SCFD2: variants seen among roughly 807,000 people sequenced by gnomAD.
SCFD2 encodes the protein sec1 family domain-containing protein 2.
Under a neutral mutation model 58.9 loss-of-function variants are expected in SCFD2, and 54 were observed. The observed-to-expected ratio is 0.92, with a 90% CI of 0.74 to 1.15. The LOEUF (loss-of-function observed/expected upper bound fraction) is 1.15. Among genes scored for constraint, SCFD2 ranks in the 50% most tolerant of loss-of-function variants. The probability of loss-of-function intolerance (pLI) is 0.00; values close to 1 mark genes in which losing one functional copy is unlikely to be tolerated. For synonymous variants in SCFD2, 321 were observed against 335.9 expected, an observed-to-expected ratio of 0.96 and a Z score of 0.49; for missense variants, 805 against 836.6, an observed-to-expected ratio of 0.96 and a Z score of 0.47.
chr4:52,894,577 G>T (rs1355015578), intron 7 of SCFD2, among the ~76,000 whole-genome samples: 1 of 152,202 alleles, frequency 6.6e-6, no homozygotes, highest in African/African-American at 2.4e-5. Context: ...AGGAGCTCAA[G>T]GTATTCCATG....
intron 4 of SCFD2, among the ~76,000 whole-genome samples, chr4:53,178,620 T>G (rs995851581): frequency 9.8e-4 from 149 of 152,268 alleles, no homozygotes; most frequent in African/African-American, 3.5e-3. Flanking sequence ...ATGCAGCTCC[T>G]CACCAGCAAT....
chr4:53,291,983 A>AT (rs1396377568), intron 3 of SCFD2, among the ~76,000 whole-genome samples: 3 of 152,076 alleles, frequency 2.0e-5, no homozygotes, highest in Admixed American at 6.6e-5. Flanking sequence ...TTAATTCAAA[A>AT]TTTTTTTAAT....
intron 4 of SCFD2, among the ~76,000 whole-genome samples, chr4:53,251,131 A>G (rs1330467621): frequency 6.6e-6 from 1 of 152,258 alleles, no homozygotes; most frequent in African/African-American, 2.4e-5. Context: ...AAGAAAATCT[A>G]GAAGAAATGG....
At chr4:53,293,610 G>T (rs990380694) in intron 3 of SCFD2, among the ~76,000 whole-genome samples, 1 of 152,162 alleles carries the variant, frequency 6.6e-6, no homozygotes, top group Non-Finnish European at 1.5e-5. Flanking sequence ...AATGGTTTAT[G>T]TGCAGAAAGT....
intron 3 of SCFD2, among the ~76,000 whole-genome samples, chr4:53,304,711 G>A (rs1560438949): frequency 6.6e-6 from 1 of 151,814 alleles, no homozygotes; most frequent in Admixed American, 6.6e-5. Flanking sequence ...GGTTATTCTA[G>A]TTCGCTATTC....
intron 5 of SCFD2, among the ~76,000 whole-genome samples, chr4:53,136,454 C>T (rs1371235326): frequency 6.6e-6 from 1 of 152,146 alleles, no homozygotes; most frequent in African/African-American, 2.4e-5. Context: ...ACCCAGACAT[C>T]CACAAAACTC....
At chr4:52,933,298 C>T (rs1398856680) in intron 5 of SCFD2, among the ~76,000 whole-genome samples, 1 of 152,064 alleles carries the variant, frequency 6.6e-6, no homozygotes, top group African/African-American at 2.4e-5. Context: ...CTTACCCGGC[C>T]CGACCCCAGT....
intron 5 of SCFD2, chr4:52,957,003 T>G (rs1005497670): frequency 4.6e-5 from 7 of 152,270 alleles, no homozygotes; most frequent in Non-Finnish European, 1.0e-4. Flanking sequence ...AACTCAGGTC[T>G]TCAATGCTTT....
chr4:53,237,522 A>ACC (rs766949548), intron 4 of SCFD2, among the ~76,000 whole-genome samples: 37,206 of 45,336 alleles, frequency 0.82, 18,464 homozygotes, highest in Non-Finnish European at 0.86. Flanking sequence ...CGGGGGGCTG[A>ACC]CCCCCACCTC....
chr4:53,121,537 C>A (rs539024170), intron 5 of SCFD2, among the ~76,000 whole-genome samples: 1 of 152,138 alleles, frequency 6.6e-6, no homozygotes, highest in Non-Finnish European at 1.5e-5. Context: ...TTTTCTGAGG[C>A]GTAGAAGGAT....
chr4:52,929,257 G>A (rs1473741451), intron 5 of SCFD2, among the ~76,000 whole-genome samples: 1 of 152,198 alleles, frequency 6.6e-6, no homozygotes, highest in Non-Finnish European at 1.5e-5. Flanking sequence ...TGCCAGGATA[G>A]GGTGGTGGAT....
rs537129294 is a variant in SCFD2 at position 53,126,540 on chromosome 4, T to C, written c.1561+18793A>G. On this transcript the variant is annotated intron_variant, in intron 5 of 8. Coordinates refer to ENST00000401642, the MANE Select transcript of SCFD2 (RefSeq NM_152540.4). ...CATGTTGGCCAGGCTGGCCTCCAAC[T>C]CCTGGCTTTAAGTGATCTGCCCGCC... 2.4e-3 allele frequency among the ~76,000 whole-genome samples: 358 copies of C among 152,336 alleles called. 2 individuals are homozygous for C. Among genetic ancestry groups the C allele is most frequent in the South Asian group, 3.9e-3 (19 of 4,826 alleles).
chr4:53,095,877 A>C (rs1216713371), intron 5 of SCFD2, among the ~76,000 whole-genome samples: 9 of 149,976 alleles, frequency 6.0e-5, no homozygotes, highest in East Asian at 2.0e-4. Flanking sequence ...CCCCATCCCG[A>C]CCCCACAACA....
At chr4:53,243,157 T>C (rs1418266676) in intron 4 of SCFD2, among the ~76,000 whole-genome samples, 1 of 152,092 alleles carries the variant, frequency 6.6e-6, no homozygotes, top group Non-Finnish European at 1.5e-5. Flanking sequence ...TACAAGAAGA[T>C]CATCCCCAAG....
chr4:53,163,058 T>G (rs1726902090), intron 4 of SCFD2, among the ~76,000 whole-genome samples: 1 of 152,050 alleles, frequency 6.6e-6, no homozygotes, highest in Non-Finnish European at 1.5e-5. Flanking sequence ...CAAAGCACCA[T>G]TCCTCACATT....
At chr4:53,106,677 AAAAC>A (rs968304326) in intron 5 of SCFD2, among the ~76,000 whole-genome samples, 9 of 152,318 alleles carry the variant, frequency 5.9e-5, no homozygotes, top group African/African-American at 1.4e-4. Context: ...AAAGAGAATG[AAAAC>A]AAACAAACAA....
At chr4:52,927,122 A>G (rs188773378) in intron 5 of SCFD2, among the ~76,000 whole-genome samples, 1 of 152,288 alleles carries the variant, frequency 6.6e-6, no homozygotes, top group African/African-American at 2.4e-5. Flanking sequence ...GCTTGGACTG[A>G]TGTGTGATTG....
chr4:53,107,698 C>G (rs1239923915), intron 5 of SCFD2, among the ~76,000 whole-genome samples: 1 of 152,092 alleles, frequency 6.6e-6, no homozygotes, highest in Non-Finnish European at 1.5e-5. Flanking sequence ...TATATGCACC[C>G]AATACAGAAG....
intron 6 of SCFD2, among the ~76,000 whole-genome samples, chr4:52,910,689 CA>C (rs1355608795): frequency 6.6e-6 from 1 of 152,094 alleles, no homozygotes; most frequent in Admixed American, 6.5e-5. Flanking sequence ...TGTCCCTACC[CA>C]AATCTCATCT....
Sources: allele counts gnomAD v4.1 joint callset (sites outside exome capture counted in the v4.1 genomes callset), GRCh38; gene constraint gnomAD v4.1.1; transcripts MANE v1.5; gene names NCBI Gene and HGNC (gene_info 2026-07-23, HGNC 2026-07-21).